STPG2: variants seen among roughly 807,000 people sequenced by gnomAD.
STPG2 encodes the protein sperm-tail PG-rich repeat-containing protein 2.
Under a neutral mutation model 54.2 loss-of-function variants are expected in STPG2, and 56 were observed. That is an observed-to-expected ratio of 1.03 (90% confidence interval 0.83 to 1.29). The LOEUF is 1.29. Among genes scored for constraint, STPG2 ranks in the 50% most tolerant of loss-of-function variants. STPG2 has a pLI of 0.00. For missense variants in STPG2, 596 were observed against 544.9 expected (o/e 1.09, Z -0.93); for synonymous variants, 200 against 181.8 (o/e 1.10, Z -0.81).
At chr4:97,815,814 G>A (rs1401907203) in intron 9 of STPG2, among the ~76,000 whole-genome samples, 1 of 152,158 alleles carries the variant, frequency 6.6e-6, no homozygotes, top group Non-Finnish European at 1.5e-5. Flanking sequence ...AAGCTGACAA[G>A]AGGTAGACTT....
chr4:98,034,896 T>G (rs867606907), intron 5 of STPG2, among the ~76,000 whole-genome samples: 1 of 152,202 alleles, frequency 6.6e-6, no homozygotes, highest in African/African-American at 2.4e-5. Flanking sequence ...GCTAGCCATG[T>G]GCAGAAAGCT....
chr4:97,862,827 A>C (rs568071073), intron 8 of STPG2, among the ~76,000 whole-genome samples: 1 of 152,220 alleles, frequency 6.6e-6, no homozygotes, highest in African/African-American at 2.4e-5. Flanking sequence ...GAAACTGAAC[A>C]ACCTGCTCCT....
chr4:97,447,684 T>C (rs538243881), intron 4 of STPG2, among the ~76,000 whole-genome samples: 115 of 152,254 alleles, frequency 7.6e-4, no homozygotes, highest in African/African-American at 2.7e-3. Context: ...GGAATTGCAG[T>C]TTGGGAACCT....
chr4:97,713,931 A>G (rs17026877), intron 9 of STPG2, among the ~76,000 whole-genome samples: 2,845 of 152,286 alleles, frequency 0.019, 82 homozygotes, highest in African/African-American at 0.064. Flanking sequence ...GAGGTCTACT[A>G]TATCAAATGT....
intron 10 of STPG2, among the ~76,000 whole-genome samples, chr4:97,608,436 T>C (rs538453913): frequency 6.6e-6 from 1 of 152,212 alleles, no homozygotes; most frequent in East Asian, 1.9e-4. Context: ...GAGGAATCGC[T>C]GCATCCTTGC....
chr4:97,498,553 T>A (rs1291687232), intron 4 of STPG2, among the ~76,000 whole-genome samples: 2 of 151,744 alleles, frequency 1.3e-5, no homozygotes, highest in Non-Finnish European at 2.9e-5. Flanking sequence ...TTATACAGTT[T>A]AGGCAAATGT....
At chr4:97,710,797 G>GT (rs1724089600) in intron 10 of STPG2, among the ~76,000 whole-genome samples, 1 of 151,880 alleles carries the variant, frequency 6.6e-6, no homozygotes, top group Non-Finnish European at 1.5e-5. Context: ...ATTGAAAAAG[G>GT]TTTTTAATTA....
intron 8 of STPG2, among the ~76,000 whole-genome samples, chr4:97,905,187 T>C (rs539154631): frequency 1.2e-3 from 183 of 150,894 alleles, no homozygotes; most frequent in African/African-American, 4.3e-3. Context: ...AAGGAAAAAA[T>C]GTTAAGGGCA....
At chr4:98,123,603 C>T (rs1396722184) in intron 3 of STPG2, among the ~76,000 whole-genome samples, 1 of 152,110 alleles carries the variant, frequency 6.6e-6, no homozygotes, top group South Asian at 2.1e-4. Flanking sequence ...TGTTTTGCTT[C>T]CAATTATGTG....
chr4:97,960,969 A>G (rs1487907118), intron 7 of STPG2, among the ~76,000 whole-genome samples: 1 of 152,188 alleles, frequency 6.6e-6, no homozygotes, highest in Non-Finnish European at 1.5e-5. Flanking sequence ...ATAGTCACTA[A>G]AACAGCATGG....
chr4:98,119,072 T>G (rs1402421620), intron 3 of STPG2, among the ~76,000 whole-genome samples: 1 of 152,164 alleles, frequency 6.6e-6, no homozygotes, highest in African/African-American at 2.4e-5. Flanking sequence ...TCAATAGATG[T>G]TAAAACTATT....
rs1365387996 is a variant in STPG2 at position 98,020,154 on chromosome 4, T to G, written c.613-38836A>C. Among the ~76,000 whole-genome samples the G allele has an allele frequency of 1.1e-3, 142 of 131,766 alleles. 1 individual carries two copies. Among genetic ancestry groups the G allele is most frequent in the African/African-American group, 4.0e-3 (133 of 33,540 alleles). 86.4% of individuals were successfully genotyped at this position (131,766 alleles called of 152,430 possible). A position where few individuals can be genotyped will look rare whatever the true frequency, so the allele number is the denominator to read the frequency against. On this transcript the variant is annotated intron_variant, in intron 5 of 10. Coordinates refer to ENST00000295268, the MANE Select transcript of STPG2 (RefSeq NM_174952.3). ...ATTCAGTATGAGATTGGCTGTGGGT[T>G]TGTCATAGATAGCTCTTATTATTTT... is the stretch of plus-strand genomic sequence containing the variant.
chr4:97,496,421 T>A (rs1049060198), intron 4 of STPG2, among the ~76,000 whole-genome samples: 1 of 151,732 alleles, frequency 6.6e-6, no homozygotes. Flanking sequence ...TTACACAGCA[T>A]GCATCTAGTC....
chr4:97,571,516 T>C (rs1297377143), intron 10 of STPG2, among the ~76,000 whole-genome samples: 1 of 152,146 alleles, frequency 6.6e-6, no homozygotes, highest in Admixed American at 6.5e-5. Flanking sequence ...ATCTACCTGG[T>C]AAAGCTTTGC....
At chr4:97,581,273 T>TGAA (rs1732858078) in intron 10 of STPG2, among the ~76,000 whole-genome samples, 1 of 151,700 alleles carries the variant, frequency 6.6e-6, no homozygotes, top group African/African-American at 2.4e-5. Flanking sequence ...CCACAAAGAG[T>TGAA]GAAAGGATTA....
intron 4 of STPG2, among the ~76,000 whole-genome samples, chr4:97,546,842 T>C (rs759333152): frequency 1.1e-4 from 16 of 152,204 alleles, no homozygotes; most frequent in Non-Finnish European, 2.2e-4. Flanking sequence ...AAAGCTCTTG[T>C]TCTTGACTTC....
chr4:97,851,635 G>T (rs553969491), intron 8 of STPG2, among the ~76,000 whole-genome samples: 61 of 152,210 alleles, frequency 4.0e-4, no homozygotes, highest in Non-Finnish European at 8.2e-4. Context: ...TCTCAGAAAC[G>T]ATATAGAAGT....
intron 4 of STPG2, among the ~76,000 whole-genome samples, chr4:97,505,663 A>G (rs1052802359): frequency 5.3e-5 from 8 of 152,054 alleles, no homozygotes; most frequent in Middle Eastern, 3.4e-3. Context: ...ATAGTGTGTA[A>G]CAGTTGCATG....
chr4:97,808,792 AG>A (rs1265206711), intron 9 of STPG2, among the ~76,000 whole-genome samples: 1 of 150,466 alleles, frequency 6.6e-6, no homozygotes, highest in Non-Finnish European at 1.5e-5. Flanking sequence ...ACTAAACCAA[AG>A]AAAGTTTATA....
Sources: allele counts gnomAD v4.1 joint callset (sites outside exome capture counted in the v4.1 genomes callset), GRCh38; gene constraint gnomAD v4.1.1; transcripts MANE v1.5; gene names NCBI Gene and HGNC (gene_info 2026-07-23, HGNC 2026-07-21).